The following KNTC1 variants were observed in gnomAD, a reference collection of about 807,000 sequenced individuals.
KNTC1 encodes kinetochore associated 1.
KNTC1 carries 253 observed loss-of-function variants against 314.4 expected under a neutral mutation model. The ratio of observed to expected loss-of-function variants is 0.80; its 90% confidence interval spans 0.73 to 0.89. The LOEUF (loss-of-function observed/expected upper bound fraction) is 0.89, where lower values mean the gene tolerates loss of function less well. Among genes scored for constraint, KNTC1 ranks in the 40% least tolerant of loss-of-function variants. The probability of loss-of-function intolerance (pLI) is 0.00; values close to 1 mark genes in which losing one functional copy is unlikely to be tolerated. For synonymous variants in KNTC1, 901 were observed against 901.4 expected (o/e 1.00, Z 0.01); for missense variants, 2,475 against 2,572.9 (o/e 0.96, Z 0.82).
chr12:122,562,515 G>T, intron 19 of KNTC1, 123 bp from the exon 20 acceptor site: 1 of 632,598 alleles, frequency 1.6e-6, no homozygotes. Context: ...TATGGGAATT[G>T]AGTTGTGATG....
At chr12:122,557,299 G>GT in intron 16 of KNTC1, 85 bp from the exon 17 acceptor site, 9 of 1,315,330 alleles carry the variant, frequency 6.8e-6, no homozygotes, top group Middle Eastern at 1.9e-4. Flanking sequence ...GAAGTAGTTT[G>GT]TTTCACTCAG....
At chr12:122,534,161 A>G (rs1427546792) in intron 2 of KNTC1, among the ~76,000 whole-genome samples, 8 of 152,188 alleles carry the variant, frequency 5.3e-5, no homozygotes, top group Non-Finnish European at 1.5e-5. Context: ...AACATTTCAC[A>G]TAAAGATCCA....
intron 42 of KNTC1, among the ~76,000 whole-genome samples, chr12:122,592,666 T>TG (rs1288755568): frequency 6.6e-6 from 1 of 152,118 alleles, no homozygotes; most frequent in Non-Finnish European, 1.5e-5. Context: ...ACTAATCTGA[T>TG]GGGGACGTGG....
intron 7 of KNTC1, among the ~76,000 whole-genome samples, chr12:122,543,940 C>T (rs999569058): frequency 6.6e-6 from 1 of 151,758 alleles, no homozygotes; most frequent in African/African-American, 2.4e-5. Flanking sequence ...CTCCCAGCTA[C>T]TCAGGAGGCT....
In KNTC1 at chr12:122,582,751, C is replaced by A; in HGVS notation, c.3029C>A (p.Ser1010Tyr). The change falls in exon 34 of 64, where the codon TCC becomes TAC. Residue 1010 changes from serine (S) to tyrosine (Y), a missense_variant. Coordinates refer to ENST00000333479, the MANE Select transcript of KNTC1 (RefSeq NM_014708.6). The part of the protein sequence containing the change: ...FLSFEDYSNS[S>Y]LVADLREQHI... ...TCATTTGAAGATTATAGCAATAGTT[C>A]CCTGGTAGCAGATCTCCGTGAGCAG... The A allele has an allele frequency of 1.9e-6, 3 of 1,611,918 alleles. No individual in the cohort carries two copies. The highest frequency in any genetic ancestry group is 1.1e-5 in the South Asian group (1 of 90,870).
Position 122,601,705 on chromosome 12 carries a change from T to C in KNTC1, c.4653+80T>C. 2.4e-6 allele frequency: 3 copies of C among 1,251,376 alleles called. No individual in the cohort carries two copies. The African/African-American group carries it at 4.7e-5, about 20-fold the overall frequency. The allele number at this position is 1,251,376 out of a possible 1,614,324, so 77.5% of individuals were successfully genotyped here. On this transcript the variant is annotated intron_variant, in intron 45 of 63. Transcript: ENST00000333479. ...ATAAATCATATCATTATCCAGGGCC[T>C]TTCCAAATTATCCATTGAATTCCCT... is the stretch of plus-strand genomic sequence containing the variant.
chr12:122,582,935 C>G lies in KNTC1; in HGVS notation c.3213C>G (p.Thr1071=), dbSNP rs776500311. 91 of 1,613,332 alleles carry G rather than the reference C, an allele frequency of 5.6e-5. No homozygotes were observed. The highest frequency in any genetic ancestry group is 7.1e-5 in the Non-Finnish European group (84 of 1,179,662). The stretch of plus-strand genomic sequence containing the variant: ...AACAAGAGCTGGAGGCAGAGCTGAC[C>G]TTGAGAGCCTTAAAAGATGGGAACA... The part of the protein sequence containing the change: ...MSKQELEAEL[T]LRALKDGNIK... Residue 1071 remains threonine (T), a synonymous_variant, in exon 34 of 64, where the codon ACC becomes ACG. Transcript: ENST00000333479.
chr12:122,584,506 T>C lies in KNTC1; in HGVS notation c.3436+56T>C, dbSNP rs1868951413. 3 of 1,340,864 alleles carry C rather than the reference T, an allele frequency of 2.2e-6. No individual in the cohort carries two copies. In the South Asian group the frequency reaches 4.2e-5, roughly 19 times the overall value. The allele number at this position is 1,340,864 out of a possible 1,614,324, so 83.1% of individuals were successfully genotyped here. A position where few individuals can be genotyped will look rare whatever the true frequency, so the allele number is the denominator to read the frequency against. On this transcript the variant is annotated intron_variant, in intron 35 of 63. Transcript: ENST00000333479. ...TATTCTCTGGTTCATGTCATACTTG[T>C]CTCCCAAATGCTGTCTCTTTACAAT...
intron 51 of KNTC1, among the ~76,000 whole-genome samples, chr12:122,607,266 GT>G (rs1290398780): frequency 3.3e-5 from 5 of 152,168 alleles, no homozygotes; most frequent in Non-Finnish European, 5.9e-5. Context: ...GTTTCACCAT[GT>G]TGGCCGGGCT....
chr12:122,597,685 A>G (rs773343240), intron 43 of KNTC1, 46 bp from the exon 44 acceptor site: 1 of 1,498,376 alleles, frequency 6.7e-7, no homozygotes, highest in East Asian at 2.3e-5. Context: ...TTGCATGGAA[A>G]TGCCTGCAGT....
intron 16 of KNTC1, among the ~76,000 whole-genome samples, chr12:122,556,436 C>G (rs566647505): frequency 6.6e-6 from 1 of 151,968 alleles, no homozygotes; most frequent in African/African-American, 2.4e-5. Context: ...ACCTCTGTAT[C>G]CTCCCGCCCC....
At chr12:122,624,175 T>C (rs1874751048) in intron 62 of KNTC1, among the ~76,000 whole-genome samples, 1 of 152,230 alleles carries the variant, frequency 6.6e-6, no homozygotes, top group Admixed American at 6.5e-5. Context: ...TCTATGTATA[T>C]GCCCCAAATT....
Position 122,532,664 on chromosome 12 carries a change from T to C in KNTC1, c.130-2000T>C, listed in dbSNP as rs142711555. Among the ~76,000 whole-genome samples, 1,407 of 152,332 alleles carry C rather than the reference T, an allele frequency of 9.2e-3. 11 individuals are homozygous for C. Among genetic ancestry groups the C allele is most frequent in the Middle Eastern group, 0.041 (12 of 294 alleles). On this transcript the variant is annotated intron_variant, in intron 2 of 63. Transcript: ENST00000333479. ...TCTATTATTAGCACGTGGCATACAC[T>C]TACCAACATGTTTTGAACATCTGCT...
intron 59 of KNTC1, among the ~76,000 whole-genome samples, chr12:122,619,031 G>GT (rs1874104231): frequency 7.9e-6 from 1 of 126,356 alleles, no homozygotes; most frequent in South Asian, 2.7e-4. Flanking sequence ...CACTTGTTTT[G>GT]TTTTTTGTTT....
In KNTC1 at chr12:122,575,486, C is replaced by T; in HGVS notation, c.2383-57C>T. 11 of 1,175,474 alleles carry T rather than the reference C, an allele frequency of 9.4e-6. No individual in the cohort carries two copies. The South Asian group carries it at 1.3e-4, about 14-fold the overall frequency. The allele number at this position is 1,175,474 out of a possible 1,614,324, so 72.8% of individuals were successfully genotyped here. A position where few individuals can be genotyped will look rare whatever the true frequency, so the allele number is the denominator to read the frequency against. ...CCTGCTGATTAGACTGTGCTGTTCACTTGCATGCATCGTAAACCTGAGGGC... is the reference window on the plus strand; with the variant it reads ...CCTGCTGATTAGACTGTGCTGTTCATTTGCATGCATCGTAAACCTGAGGGC... On this transcript the variant is annotated intron_variant, in intron 27 of 63. Coordinates refer to ENST00000333479, the MANE Select transcript of KNTC1 (RefSeq NM_014708.6).
intron 42 of KNTC1, among the ~76,000 whole-genome samples, chr12:122,592,132 C>T (rs911654545): frequency 2.0e-5 from 3 of 151,086 alleles, no homozygotes; most frequent in African/African-American, 7.4e-5. Context: ...CCGGCCGGCC[C>T]TGCCGGCCCC....
At chr12:122,595,875 T>C (rs1355294673) in intron 43 of KNTC1, among the ~76,000 whole-genome samples, 1 of 152,242 alleles carries the variant, frequency 6.6e-6, no homozygotes, top group Non-Finnish European at 1.5e-5. Context: ...TGTATTCATA[T>C]GATAGTGACA....
intron 44 of KNTC1, among the ~76,000 whole-genome samples, chr12:122,599,280 AGATCTTCT>A (rs1247192483): frequency 2.0e-5 from 3 of 151,668 alleles, no homozygotes; most frequent in East Asian, 1.9e-4. Flanking sequence ...TTTGTTTAGG[AGATCTTCT>A]GATCTTCTGA....
Position 122,582,891 on chromosome 12 carries a change from C to T in KNTC1, c.3169C>T (p.Leu1057=). ...GGAATCAAAGCTGCACAGACAGGCACTGGCCCTGCAGATGTCCAAACAAGA... is the reference window on the plus strand; with the variant it reads ...GGAATCAAAGCTGCACAGACAGGCATTGGCCCTGCAGATGTCCAAACAAGA... ...SMESKLHRQA[L]ALQMSKQELE... The change falls in exon 34 of 64, where the codon CTG becomes TTG. Residue 1057 remains leucine (L), a synonymous_variant. Transcript: ENST00000333479. The T allele has an allele frequency of 2.5e-6, 4 of 1,613,166 alleles. No individual in the cohort carries two copies. Among genetic ancestry groups the T allele is most frequent in the Non-Finnish European group, 3.4e-6 (4 of 1,179,562 alleles).
Sources: allele counts gnomAD v4.1 joint callset (sites outside exome capture counted in the v4.1 genomes callset), GRCh38; gene constraint gnomAD v4.1.1; transcripts MANE v1.5; gene names NCBI Gene and HGNC (gene_info 2026-07-23, HGNC 2026-07-21).